CFAP20DC: variants seen among roughly 807,000 people sequenced by gnomAD.
The protein encoded by CFAP20DC is protein CFAP20DC.
In CFAP20DC, 84 loss-of-function variants were observed where a neutral mutation model predicts 101.7. That is an observed-to-expected ratio of 0.83 (90% confidence interval 0.69 to 0.99). CFAP20DC has a LOEUF of 0.99. Ranked by LOEUF, CFAP20DC falls within the 50% of genes least tolerant of loss-of-function variation. The pLI is 0.00. For missense variants in CFAP20DC, 1,007 were observed against 970.3 expected (o/e 1.04, Z -0.50); for synonymous variants, 359 against 351.2 (o/e 1.02, Z -0.25).
intron 15 of CFAP20DC, among the ~76,000 whole-genome samples, chr3:58,757,222 AAT>A (rs1332118290): frequency 6.6e-6 from 1 of 152,044 alleles, no homozygotes; most frequent in Non-Finnish European, 1.5e-5. Context: ...ACTTTAGAGG[AAT>A]ATGTTGTGAA....
intron 6 of CFAP20DC, among the ~76,000 whole-genome samples, chr3:58,904,125 C>T (rs2083392076): frequency 6.6e-6 from 1 of 152,010 alleles, no homozygotes; most frequent in Non-Finnish European, 1.5e-5. Context: ...AGATGTCTTT[C>T]CATTTATTTA....
At chr3:58,723,941 T>C (rs191133206) in intron 3 of CFAP20DC, among the ~76,000 whole-genome samples, 1 of 152,340 alleles carries the variant, frequency 6.6e-6, no homozygotes, top group Admixed American at 6.5e-5. Flanking sequence ...AAGAGGTAGG[T>C]GCCTTAGGCG....
chr3:58,808,243 A>C (rs1415858746), intron 14 of CFAP20DC, among the ~76,000 whole-genome samples: 1 of 152,164 alleles, frequency 6.6e-6, no homozygotes. Flanking sequence ...CAGAAGAGCA[A>C]CTCCAAGACA....
At chr3:58,884,775 T>C in intron 6 of CFAP20DC, 66 bp from the exon 7 acceptor site, 2 of 1,278,822 alleles carry the variant, frequency 1.6e-6, no homozygotes, top group Non-Finnish European at 2.2e-6. Flanking sequence ...ACCTATCATA[T>C]AAATGAAATC....
intron 3 of CFAP20DC, chr3:58,734,456 T>C (rs2067706572): frequency 2.3e-6 from 1 of 440,948 alleles, no homozygotes. Flanking sequence ...CCAGTGAACA[T>C]TTACTGAGTG....
chr3:58,966,497 T>TACAC (rs1491447851), intron 4 of CFAP20DC, among the ~76,000 whole-genome samples: 2 of 113,286 alleles, frequency 1.8e-5, no homozygotes, highest in African/African-American at 5.5e-5. Context: ...TATACACATA[T>TACAC]GTGTGTGTGT....
At chr3:58,875,059 C>G (rs2080624449) in intron 7 of CFAP20DC, among the ~76,000 whole-genome samples, 2 of 152,174 alleles carry the variant, frequency 1.3e-5, no homozygotes, top group Admixed American at 6.5e-5. Flanking sequence ...CTAGGCAGGT[C>G]TGGGCAACTC....
rs143239795 is a variant in CFAP20DC at position 58,964,820 on chromosome 3, G to A, written c.279-27058C>T. Among the ~76,000 whole-genome samples, 101 of 152,204 alleles carry A rather than the reference G, an allele frequency of 6.6e-4. 1 individual carries two copies. The East Asian group carries it at 0.014, about 20-fold the overall frequency. On this transcript the variant is annotated intron_variant, in intron 4 of 16. Transcript: ENST00000482387. This position sits in a 1 kb window ranked among gnomAD's most constrained non-coding sequence, Gnocchi z 4.1. ...ACATCATTGTATACTGATTTTTGCA[G>A]GTATTTCTATTTTCTAAAGATAGGT...
At chr3:58,800,432 T>G (rs1175326468) in intron 15 of CFAP20DC, among the ~76,000 whole-genome samples, 1 of 152,196 alleles carries the variant, frequency 6.6e-6, no homozygotes. Flanking sequence ...GGTTTCTGGC[T>G]TAAGCAAAGG....
In CFAP20DC at chr3:58,992,086, T is replaced by C. The variant is rs2092958559; in HGVS notation, c.278+47471A>G. Among the ~76,000 whole-genome samples the C allele has an allele frequency of 2.0e-5, 3 of 152,290 alleles. No individual in the cohort carries two copies. In the South Asian group the frequency reaches 6.2e-4, roughly 32 times the overall value. ...AAATGGGTTAGCATTGTTATCCTCA[T>C]TTTACCAATAAGAAACCTGGGGCAC... On this transcript the variant is annotated intron_variant, in intron 4 of 16. Transcript: ENST00000482387.
At chr3:59,045,546 C>T (rs565641025) in intron 3 of CFAP20DC, among the ~76,000 whole-genome samples, 2 of 152,174 alleles carry the variant, frequency 1.3e-5, no homozygotes, top group East Asian at 3.9e-4. Context: ...AATTGTAACC[C>T]TGTCTCTGCT....
intron 15 of CFAP20DC, among the ~76,000 whole-genome samples, chr3:58,765,719 C>T (rs1051373422): frequency 6.6e-6 from 1 of 152,078 alleles, no homozygotes; most frequent in Non-Finnish European, 1.5e-5. Flanking sequence ...GTCATTTTCA[C>T]TGGGGATCTT....
rs565875831 is a variant in CFAP20DC at position 59,006,387 on chromosome 3, A to C, written c.278+33170T>G. Among the ~76,000 whole-genome samples, 26 of 152,332 alleles carry C rather than the reference A, an allele frequency of 1.7e-4. No homozygotes were observed. Among genetic ancestry groups the C allele is most frequent in the Admixed American group, 1.6e-3 (24 of 15,308 alleles). On this transcript the variant is annotated intron_variant, in intron 4 of 16. Transcript: ENST00000482387. This position sits in a 1 kb window ranked among gnomAD's most constrained non-coding sequence, Gnocchi z 4.3. ...ACCATGAACTTTCTTTCCAAGTACCACTGCAGGAATCTACCAGGAAAACTG... is the reference window on the plus strand; with the variant it reads ...ACCATGAACTTTCTTTCCAAGTACCCCTGCAGGAATCTACCAGGAAAACTG...
At chr3:58,893,689 G>C (rs1299624220) in intron 6 of CFAP20DC, among the ~76,000 whole-genome samples, 1 of 152,036 alleles carries the variant, frequency 6.6e-6, no homozygotes, top group Admixed American at 6.5e-5. Context: ...CAATTGTTTG[G>C]AATAGTTTTA....
intron 12 of CFAP20DC, among the ~76,000 whole-genome samples, chr3:58,850,038 A>G (rs2078082714): frequency 6.6e-6 from 1 of 152,208 alleles, no homozygotes; most frequent in South Asian, 2.1e-4. Flanking sequence ...TGGAAAGCTG[A>G]AAATGAAAGC....
chr3:58,991,856 C>T lies in CFAP20DC; in HGVS notation c.278+47701G>A, dbSNP rs138875222. ...AGGTACTGGTCTGTGGCCCAGGGCTCGGGGACCCCTGACTTAAAAGTAAAT... is the reference window on the plus strand; with the variant it reads ...AGGTACTGGTCTGTGGCCCAGGGCTTGGGGACCCCTGACTTAAAAGTAAAT... On this transcript the variant is annotated intron_variant, in intron 4 of 16. Coordinates refer to ENST00000482387, the MANE Select transcript of CFAP20DC (RefSeq NM_001394063.1). 5.0e-3 allele frequency among the ~76,000 whole-genome samples: 763 copies of T among 152,186 alleles called. 3 individuals are homozygous for T. Among genetic ancestry groups the T allele is most frequent in the Non-Finnish European group, 9.1e-3 (616 of 68,012 alleles).
intron 4 of CFAP20DC, among the ~76,000 whole-genome samples, chr3:58,998,980 A>T (rs1224695657): frequency 6.6e-6 from 1 of 152,180 alleles, no homozygotes. Context: ...TAAACTCCAA[A>T]CTCCTGCACA....
chr3:59,012,095 G>T (rs1462925861), intron 4 of CFAP20DC, among the ~76,000 whole-genome samples: 1 of 152,144 alleles, frequency 6.6e-6, no homozygotes. Flanking sequence ...AGACAGACCT[G>T]TAACTATAAA....
chr3:58,804,794 C>T (rs2073942969), intron 15 of CFAP20DC, among the ~76,000 whole-genome samples: 1 of 152,144 alleles, frequency 6.6e-6, no homozygotes. Flanking sequence ...ACGTGTTCAC[C>T]TATTGAGAGA....
Sources: allele counts gnomAD v4.1 joint callset (sites outside exome capture counted in the v4.1 genomes callset), GRCh38; gene constraint gnomAD v4.1.1; non-coding constraint Gnocchi (gnomAD v3.1); transcripts MANE v1.5; gene names NCBI Gene and HGNC (gene_info 2026-07-23, HGNC 2026-07-21).